Variants in RUNX2 observed in about 807,000 individuals in gnomAD.
RUNX2 encodes the protein RUNX family transcription factor 2, also known as runt-related transcription factor 2.
A neutral mutation model predicts 51.7 loss-of-function variants in RUNX2; 10 were observed. That is an observed-to-expected ratio of 0.19 (90% CI 0.12 to 0.33). RUNX2 has a LOEUF of 0.33. Ranked by LOEUF, RUNX2 falls within the 10% of genes least tolerant of loss-of-function variation. The probability of loss-of-function intolerance (pLI) is 1.00; values close to 1 mark genes in which losing one functional copy is unlikely to be tolerated. For missense variants in RUNX2, 562 were observed against 691.3 expected (o/e 0.81, Z 2.10); for synonymous variants, 276 against 273.6 (o/e 1.01, Z -0.09).
chr6:45,415,804 G>A (rs1463118525), intron 2 of RUNX2, among the ~76,000 whole-genome samples: 2 of 151,882 alleles, frequency 1.3e-5, no homozygotes, highest in East Asian at 1.9e-4. Context: ...TAATGGATCC[G>A]GATTCATTTT....
intron 5 of RUNX2, among the ~76,000 whole-genome samples, chr6:45,455,735 G>T (rs532009512): frequency 6.6e-6 from 1 of 152,146 alleles, no homozygotes; most frequent in Non-Finnish European, 1.5e-5. Flanking sequence ...TCAGCAATAC[G>T]CCTTTAAGTT....
chr6:45,535,251 TA>T (rs34539824), intron 7 of RUNX2, among the ~76,000 whole-genome samples: 189 of 150,710 alleles, frequency 1.3e-3, no homozygotes, highest in African/African-American at 4.4e-3. Context: ...AAAGTTAAAT[TA>T]AAAAAAAAGG....
At chr6:45,424,836 C>T (rs1441946353) in intron 3 of RUNX2, among the ~76,000 whole-genome samples, 1 of 151,746 alleles carries the variant, frequency 6.6e-6, no homozygotes, top group Non-Finnish European at 1.5e-5. Context: ...TTTTTTTTAA[C>T]CGTCACATTT....
chr6:45,342,449 T>C (rs1281370378), intron 2 of RUNX2, among the ~76,000 whole-genome samples: 1 of 152,064 alleles, frequency 6.6e-6, no homozygotes, highest in East Asian at 1.9e-4. Context: ...TTAGTAGAGA[T>C]GGAGTTTCAA....
chr6:45,458,022 A>ATTTTTTTTTTTTTTT (rs67652614), intron 5 of RUNX2, among the ~76,000 whole-genome samples: 1 of 137,716 alleles, frequency 7.3e-6, no homozygotes, highest in African/African-American at 2.8e-5. Context: ...CTGGGATAGG[A>ATTTTTTTTTTTTTTT]TTTTTTTTTT....
At chr6:45,364,171 C>T (rs1440941268) in intron 2 of RUNX2, among the ~76,000 whole-genome samples, 1 of 151,716 alleles carries the variant, frequency 6.6e-6, no homozygotes, top group African/African-American at 2.4e-5. Context: ...AGATATAACC[C>T]TCATAAACAA....
chr6:45,379,644 A>G (rs922005511), intron 2 of RUNX2, among the ~76,000 whole-genome samples: 1 of 152,142 alleles, frequency 6.6e-6, no homozygotes, highest in African/African-American at 2.4e-5. Flanking sequence ...AGACGGGCAG[A>G]TCACAAGGTC....
intron 7 of RUNX2, among the ~76,000 whole-genome samples, chr6:45,523,566 C>T (rs1031109735): frequency 2.0e-4 from 30 of 151,998 alleles, no homozygotes; most frequent in Admixed American, 2.0e-3. Context: ...CCACTGCGCC[C>T]GGCCTGCATG....
intron 2 of RUNX2, among the ~76,000 whole-genome samples, chr6:45,368,910 C>A (rs950541779): frequency 1.3e-5 from 2 of 151,786 alleles, no homozygotes; most frequent in African/African-American, 4.8e-5. Context: ...ACTGAGTTTT[C>A]GTTTTGTTGT....
Position 45,491,614 on chromosome 6 carries a change from T to C in RUNX2, c.686-327T>C, listed in dbSNP as rs1043517262. ...AGCAAACACCCCCAATACACATCTC[T>C]CCTGTTTGTTTTTTTTTTTTTTTTT... On this transcript the variant is annotated intron_variant, in intron 5 of 8. Coordinates refer to ENST00000647337, the MANE Select transcript of RUNX2 (RefSeq NM_001024630.4). Among the ~76,000 whole-genome samples, 18 of 140,346 alleles carry C rather than the reference T, an allele frequency of 1.3e-4. 1 individual carries two copies. The highest frequency in any genetic ancestry group is 2.0e-4 in the Non-Finnish European group (13 of 65,248). 92.1% of individuals were successfully genotyped at this position (140,346 alleles called of 152,430 possible).
chr6:45,533,625 C>T (rs572315567), intron 7 of RUNX2, among the ~76,000 whole-genome samples: 2 of 152,174 alleles, frequency 1.3e-5, no homozygotes, highest in South Asian at 2.1e-4. Context: ...CATTTGGATT[C>T]GGAAGTTACA....
At chr6:45,434,884 G>A (rs944769190) in intron 4 of RUNX2, among the ~76,000 whole-genome samples, 2 of 152,122 alleles carry the variant, frequency 1.3e-5, no homozygotes, top group African/African-American at 2.4e-5. Flanking sequence ...AGGAAATCAT[G>A]AATGCCCACA....
At chr6:45,332,515 T>C (rs1787719816) in intron 2 of RUNX2, among the ~76,000 whole-genome samples, 1 of 151,764 alleles carries the variant, frequency 6.6e-6, no homozygotes. Flanking sequence ...AGCATACAAA[T>C]ACCAATCTTC....
At chr6:45,355,517 C>A (rs1792995906) in intron 2 of RUNX2, among the ~76,000 whole-genome samples, 1 of 151,984 alleles carries the variant, frequency 6.6e-6, no homozygotes, top group African/African-American at 2.4e-5. Context: ...AAGAAGTGAA[C>A]CAAGATCTTG....
intron 6 of RUNX2, among the ~76,000 whole-genome samples, chr6:45,497,382 C>T (rs1800677070): frequency 6.6e-6 from 1 of 152,164 alleles, no homozygotes; most frequent in African/African-American, 2.4e-5. Flanking sequence ...GACACTTCTG[C>T]ATAGGCTGCT....
intron 2 of RUNX2, among the ~76,000 whole-genome samples, chr6:45,363,176 T>C (rs1379748890): frequency 6.6e-6 from 1 of 152,136 alleles, no homozygotes; most frequent in African/African-American, 2.4e-5. Context: ...GCACAGAGCA[T>C]GAAGGCTTCA....
Position 45,459,823 on chromosome 6 carries a change from C to T in RUNX2, c.685+21772C>T, listed in dbSNP as rs1189757842. On this transcript the variant is annotated intron_variant, in intron 5 of 8. Coordinates refer to ENST00000647337, the MANE Select transcript of RUNX2 (RefSeq NM_001024630.4). The stretch of plus-strand genomic sequence containing the variant: ...GAGGTGGATGATTTTTCATGTAGGT[C>T]AGTCAGGCCTTGCTGATGGGGCAAC... Among the ~76,000 whole-genome samples, 3 of 152,124 alleles carry T rather than the reference C, an allele frequency of 2.0e-5. No homozygotes were observed. The East Asian group carries it at 5.8e-4, about 29-fold the overall frequency.
At chr6:45,365,385 C>T (rs1794960813) in intron 2 of RUNX2, 2 of 881,102 alleles carry the variant, frequency 2.3e-6, no homozygotes, top group Non-Finnish European at 3.5e-6. Flanking sequence ...ATATAAATTA[C>T]TTCAAAAAGT....
At chr6:45,440,788 T>C (rs114898518) in intron 5 of RUNX2, among the ~76,000 whole-genome samples, 1 of 152,308 alleles carries the variant, frequency 6.6e-6, no homozygotes, top group African/African-American at 2.4e-5. Context: ...TTATACAATA[T>C]GTAAATAATT....
Sources: gnomAD v4.1 joint callset for allele counts (sites outside exome capture counted in the v4.1 genomes callset) on GRCh38, gnomAD v4.1.1 for gene constraint, MANE v1.5 for transcripts, NCBI Gene and HGNC (gene_info 2026-07-23, HGNC 2026-07-21) for gene names.